The following GPHN variants were observed in gnomAD, a reference collection of about 807,000 sequenced individuals.
GPHN encodes the protein gephyrin.
A neutral mutation model predicts 95.5 loss-of-function variants in GPHN; 17 were observed. The ratio of observed to expected loss-of-function variants is 0.18; its 90% CI spans 0.12 to 0.27. The LOEUF (loss-of-function observed/expected upper bound fraction) is 0.27, where lower values mean the gene tolerates loss of function less well. GPHN is among the 10% of genes least tolerant of loss of function. The pLI is 1.00. For synonymous variants in GPHN, 320 were observed against 322.5 expected (o/e 0.99, Z 0.08); for missense variants, 660 against 978.1 (o/e 0.67, Z 4.34).
At chr14:67,267,008 G>C in the GPHN span, among the ~76,000 whole-genome samples, 2,873 of 152,046 alleles carry the variant, frequency 0.019, 37 homozygotes, top group Middle Eastern at 0.034. Context: ...TCAGGAGGCT[G>C]AAGCGGGAAG....
chr14:67,221,396 G>A, the GPHN span, among the ~76,000 whole-genome samples: 5 of 152,128 alleles, frequency 3.3e-5, no homozygotes, highest in Admixed American at 1.3e-4. Flanking sequence ...CAACATAGTT[G>A]ACCTTATTTA....
At chr14:67,121,148 C>G (rs2078990858) in intron 16 of GPHN, among the ~76,000 whole-genome samples, 1 of 152,102 alleles carries the variant, frequency 6.6e-6, no homozygotes, top group African/African-American at 2.4e-5. Flanking sequence ...TTTCTCACTT[C>G]AAGTAAGTAC....
At chr14:67,408,345 AAAATAAAAT>A in the GPHN span, among the ~76,000 whole-genome samples, 1,000 of 147,314 alleles carry the variant, frequency 6.8e-3, 19 homozygotes, top group South Asian at 0.022. Context: ...AAAATAAAAT[AAAATAAAAT>A]AAAAAAAGAA....
the GPHN span, chr14:67,347,497 T>TCG: frequency 7.5e-7 from 1 of 1,333,628 alleles, no homozygotes; most frequent in Non-Finnish European, 9.9e-7. Flanking sequence ...ACCTTTAAGT[T>TCG]CTCTCTTTTT....
chr14:67,083,453 C>A (rs2076768235), intron 11 of GPHN, among the ~76,000 whole-genome samples: 1 of 152,108 alleles, frequency 6.6e-6, no homozygotes, highest in Non-Finnish European at 1.5e-5. Flanking sequence ...TGTAAGTTTC[C>A]TGAGGCCTCC....
the GPHN span, among the ~76,000 whole-genome samples, chr14:67,539,431 A>C: frequency 6.6e-6 from 1 of 152,252 alleles, no homozygotes; most frequent in Admixed American, 6.5e-5. Context: ...AAGCGAGCTT[A>C]CTCGGTCCAT....
At chr14:66,580,543 A>G (rs2061113924) in intron 1 of GPHN, among the ~76,000 whole-genome samples, 1 of 151,826 alleles carries the variant, frequency 6.6e-6, no homozygotes, top group Non-Finnish European at 1.5e-5. Flanking sequence ...GAAGGATCAT[A>G]AGAGACAACT....
chr14:67,225,175 C>T, the GPHN span: 9 of 1,578,342 alleles, frequency 5.7e-6, no homozygotes, highest in Non-Finnish European at 7.7e-6. Flanking sequence ...CCTCATCTGT[C>T]TGCCCCTTTC....
the GPHN span, chr14:67,611,001 G>A: frequency 1.9e-5 from 3 of 155,012 alleles, no homozygotes; most frequent in Middle Eastern, 4.6e-3. Flanking sequence ...GCTCATGAAG[G>A]GCCACCAGCT....
chr14:66,917,519 T>A (rs1160514303), intron 6 of GPHN, among the ~76,000 whole-genome samples: 2 of 152,174 alleles, frequency 1.3e-5, no homozygotes, highest in African/African-American at 4.8e-5. Flanking sequence ...TTCTTCCTTC[T>A]CTCTATTTAT....
rs34877524 is a variant in GPHN at position 66,954,035 on chromosome 14, CAA to C, written c.829-11140_829-11139del. On this transcript the variant is annotated intron_variant, in intron 8 of 22. Coordinates refer to ENST00000478722, the MANE Select transcript of GPHN (RefSeq NM_020806.5). ...GGGCAACAAGAGCAAAACTCGGTCTCAAAAAAAAAAAAAAAAAGGAAGAAAGC... is the reference window on the plus strand; with the variant it reads ...GGGCAACAAGAGCAAAACTCGGTCTCAAAAAAAAAAAAAAAGGAAGAAAGC... Among the ~76,000 whole-genome samples the C allele has an allele frequency of 6.7e-3, 867 of 128,878 alleles. 9 individuals carry two copies. Among genetic ancestry groups the C allele is most frequent in the South Asian group, 0.035 (140 of 4,010 alleles). 84.5% of individuals were successfully genotyped at this position (128,878 alleles called of 152,430 possible).
chr14:67,497,847 A>G, the GPHN span, among the ~76,000 whole-genome samples: 2 of 150,154 alleles, frequency 1.3e-5, no homozygotes, highest in African/African-American at 4.9e-5. Context: ...TGTATGTTAC[A>G]TTCTCGGTGA....
At chr14:67,293,106 C>T in the GPHN span, among the ~76,000 whole-genome samples, 2 of 151,952 alleles carry the variant, frequency 1.3e-5, no homozygotes, top group African/African-American at 2.4e-5. Flanking sequence ...CATTATATAA[C>T]GCCTAAGATT....
chr14:66,580,167 A>C (rs2061096347), intron 1 of GPHN, among the ~76,000 whole-genome samples: 1 of 151,852 alleles, frequency 6.6e-6, no homozygotes, highest in African/African-American at 2.4e-5. Flanking sequence ...CAATACCTTG[A>C]CACTAATGAA....
chr14:67,113,602 A>C (rs1253860828), intron 16 of GPHN, among the ~76,000 whole-genome samples: 2 of 152,138 alleles, frequency 1.3e-5, no homozygotes, highest in Non-Finnish European at 2.9e-5. Context: ...CATGGCTAGC[A>C]CTTCTTGTGA....
chr14:66,933,858 C>T (rs530278808), intron 8 of GPHN, among the ~76,000 whole-genome samples: 1 of 152,158 alleles, frequency 6.6e-6, no homozygotes, highest in African/African-American at 2.4e-5. Flanking sequence ...CAGTCTAGGG[C>T]CTGGGTGCAG....
chr14:67,461,567 A>T, the GPHN span, among the ~76,000 whole-genome samples: 1 of 152,018 alleles, frequency 6.6e-6, no homozygotes, highest in East Asian at 1.9e-4. Flanking sequence ...CTCCTTCTGG[A>T]CAACAAAGTC....
intron 2 of GPHN, among the ~76,000 whole-genome samples, chr14:66,703,006 A>G (rs1029169151): frequency 3.3e-5 from 5 of 151,312 alleles, no homozygotes; most frequent in Non-Finnish European, 1.5e-5. Flanking sequence ...ATACACAAGA[A>G]TCAATAGCCG....
intron 8 of GPHN, among the ~76,000 whole-genome samples, chr14:66,929,560 T>C (rs1323864933): frequency 6.6e-6 from 1 of 152,186 alleles, no homozygotes; most frequent in African/African-American, 2.4e-5. Context: ...TTTATCATTA[T>C]AAAATGACCT....
Sources: allele counts gnomAD v4.1 joint callset (sites outside exome capture counted in the v4.1 genomes callset), GRCh38; gene constraint gnomAD v4.1.1; transcripts MANE v1.5; gene names NCBI Gene and HGNC (gene_info 2026-07-23, HGNC 2026-07-21).